The following POLM variants were observed in gnomAD, a reference collection of about 807,000 sequenced individuals.
POLM encodes DNA-directed DNA/RNA polymerase mu.
A neutral mutation model predicts 56.7 loss-of-function variants in POLM; 52 were observed. That is an observed-to-expected ratio of 0.92 (90% CI 0.73 to 1.15). POLM has a LOEUF of 1.15. Ranked by LOEUF, POLM falls within the 50% of genes most tolerant of loss-of-function variation. POLM has a pLI of 0.00. For missense variants in POLM, 660 were observed against 663.6 expected (o/e 0.99, Z 0.06); for synonymous variants, 273 against 274.3 (o/e 1.00, Z 0.05).
In POLM at chr7:44,072,196, G is replaced by A. The variant is rs2096170470; in HGVS notation, c.*1095C>T. ...AGGACAGCATGGGAAGTGTTCTGGG[G>A]ATGGACCTGGTGTGCCCTACGTGTG... On this transcript the variant is annotated 3_prime_UTR_variant, in exon 11 of 11. Transcript: ENST00000242248. 6.6e-6 allele frequency: 1 copy of A among 152,260 alleles called. No homozygotes were observed. Among genetic ancestry groups the A allele is most frequent in the Non-Finnish European group, 1.5e-5 (1 of 68,074 alleles). 9.4% of individuals were successfully genotyped at this position (152,260 alleles called of 1,614,324 possible). A position where few individuals can be genotyped will look rare whatever the true frequency, so the allele number is the denominator to read the frequency against.
At chr7:44,079,536 C>G (rs780139966) in intron 4 of POLM, 35 bp downstream of exon 4, 2 of 1,432,122 alleles carry the variant, frequency 1.4e-6, no homozygotes, top group South Asian at 2.3e-5. Flanking sequence ...CCTCCCCACC[C>G]ACCCACTCAC....
Position 44,077,808 on chromosome 7 carries a change from AC to A in POLM, c.714+931del, listed in dbSNP as rs528655411. ...GTCAATCCTGACAACATTCTGTGTG[AC>A]CTCCCAAGGCCCCATCCACCCAGGA... On this transcript the variant is annotated intron_variant, in intron 5 of 10. Transcript: ENST00000242248. Among the ~76,000 whole-genome samples the A allele has an allele frequency of 2.0e-5, 3 of 151,910 alleles. No homozygotes were observed. In the East Asian group the frequency reaches 5.8e-4, roughly 29 times the overall value.
chr7:44,073,007 C>T lies in POLM; in HGVS notation c.*284G>A. On this transcript the variant is annotated 3_prime_UTR_variant, in exon 11 of 11. Transcript: ENST00000242248. The stretch of plus-strand genomic sequence containing the variant: ...AGCTCCACGATGTGGGCCCCACTCA[C>T]ATCCCATCCAGGGCAGGAACGTGAG... The T allele has an allele frequency of 8.8e-7, 1 of 1,137,790 alleles. No homozygotes were observed. The highest frequency in any genetic ancestry group is 1.2e-6 in the Non-Finnish European group (1 of 835,218). 70.5% of individuals were successfully genotyped at this position (1,137,790 alleles called of 1,614,324 possible).
chr7:44,076,475 G>C, intron 6 of POLM, 34 bp downstream of exon 6: 2 of 1,613,162 alleles, frequency 1.2e-6, no homozygotes, highest in South Asian at 2.2e-5. Flanking sequence ...GCAGTTTAGG[G>C]AAGCCCAGGG....
At position 44,082,428 on chromosome 7, in the gene POLM, T is replaced by C; in HGVS notation, c.11A>G (p.Lys4Arg). 2 of 1,435,930 alleles carry C rather than the reference T, an allele frequency of 1.4e-6. No homozygotes were observed. The highest frequency in any genetic ancestry group is 1.4e-5 in the South Asian group (1 of 72,460). The allele number at this position is 1,435,930 out of a possible 1,614,324, so 88.9% of individuals were successfully genotyped here. The change falls in exon 1 of 11, where the codon AAA becomes AGA. Residue 4 changes from lysine (K) to arginine (R), a missense_variant. Transcript: ENST00000242248. MLPKRRRARVGSPS... is the reference protein window; with the variant it reads MLPRRRRARVGSPS... The stretch of plus-strand genomic sequence containing the variant: ...GGACCCGACCCGCGCTCGCCGCCGT[T>C]TGGGGAGCATTGGGACGACAGCCTC...
Position 44,082,347 on chromosome 7 carries a change from G to T in POLM, c.92C>A (p.Ala31Asp). Residue 31 changes from alanine (A) to aspartate (D), a missense_variant, in exon 1 of 11, where the codon GCC becomes GAC. Transcript: ENST00000242248. Reference sequence around the variant, plus strand: ...CATGCGAGGCTCGACCAGGTAGATGGCGACTCCCGGGAAGCGCGTCGAGGG... The same window carrying T: ...CATGCGAGGCTCGACCAGGTAGATGTCGACTCCCGGGAAGCGCGTCGAGGG... ...TPPSTRFPGV[A>D]IYLVEPRMGR... 1 of 1,559,566 alleles carries T rather than the reference G, an allele frequency of 6.4e-7. No individual in the cohort carries two copies.
chr7:44,081,567 T>A (rs1348033935), intron 1 of POLM, among the ~76,000 whole-genome samples: 1 of 152,272 alleles, frequency 6.6e-6, no homozygotes, highest in East Asian at 1.9e-4. Flanking sequence ...ACTCTGGGTG[T>A]TGTCTCTGTA....
At chr7:44,081,610 T>A (rs560490532) in intron 1 of POLM, among the ~76,000 whole-genome samples, 1 of 152,294 alleles carries the variant, frequency 6.6e-6, no homozygotes, top group South Asian at 2.1e-4. Context: ...GTTCCCTTCC[T>A]ACAAGAGCTT....
In POLM at chr7:44,080,886, C is replaced by T. The variant is rs1475657713; in HGVS notation, c.219G>A (p.Glu73=). ...AGCTGACGGCCTCCTCTGCTGAGGT[C>T]TCTTCCATCACAACATGTGTCGCTT... is the stretch of plus-strand genomic sequence containing the variant. ...SSEATHVVME[E]TSAEEAVSWQ... Residue 73 remains glutamate (E), a synonymous_variant, in exon 2 of 11, where the codon GAG becomes GAA. Coordinates refer to ENST00000242248, the MANE Select transcript of POLM (RefSeq NM_013284.4). 8 of 1,590,832 alleles carry T rather than the reference C, an allele frequency of 5.0e-6. No individual in the cohort carries two copies. The highest frequency in any genetic ancestry group is 6.0e-6 in the Non-Finnish European group (7 of 1,169,718).
chr7:44,081,386 CAA>C (rs1371185418), intron 1 of POLM, among the ~76,000 whole-genome samples: 3 of 152,218 alleles, frequency 2.0e-5, no homozygotes, highest in African/African-American at 7.2e-5. Context: ...GGTTGTTGTA[CAA>C]AGATAGTGCC....
In POLM at chr7:44,082,276, C is replaced by G. The variant is rs753592792; in HGVS notation, c.163G>C (p.Gly55Arg). 4.6e-6 allele frequency: 7 copies of G among 1,527,176 alleles called. No homozygotes were observed. In the Admixed American group the frequency reaches 1.5e-4, roughly 32 times the overall value. The allele number at this position is 1,527,176 out of a possible 1,614,324, so 94.6% of individuals were successfully genotyped here. ...AFLTGLARSK[G>R]FRVLDACSSE... The stretch of plus-strand genomic sequence containing the variant: ...CTGCAGGCGTCAAGGACGCGGAAGC[C>G]TTTGGAGCGCGCCAGGCCTGTGAGG... The change falls in exon 1 of 11, where the codon GGC becomes CGC. Residue 55 changes from glycine (G) to arginine (R), a missense_variant. Physicochemically the swap from Gly to Arg is moderately radical, Grantham distance 125 (BLOSUM62 -2). Transcript: ENST00000242248.
Position 44,082,509 on chromosome 7 carries a change from A to T in POLM, c.-71T>A. The T allele has an allele frequency of 1.2e-5, 1 of 80,454 alleles. No individual in the cohort carries two copies. The highest frequency in any genetic ancestry group is 1.9e-5 in the Non-Finnish European group (1 of 53,986). The allele number at this position is 80,454 out of a possible 1,614,324, so 5.0% of individuals were successfully genotyped here. On this transcript the variant is annotated 5_prime_UTR_variant, in exon 1 of 11. Transcript: ENST00000242248. ...TCCGAGCGAGACGGAAGGAAGCCCC[A>T]GTGAGGCTGACGGAAGCGGGTGGGC...
intron 2 of POLM, chr7:44,080,523 C>T: frequency 1.4e-6 from 1 of 700,398 alleles, no homozygotes; most frequent in South Asian, 1.5e-5. Context: ...GTGGTGAGAA[C>T]AGAAGCTGAG....
At position 44,076,578 on chromosome 7, in the gene POLM, G is replaced by A. The variant is rs778427316; in HGVS notation, c.766C>T (p.Arg256Trp). The A allele has an allele frequency of 4.3e-6, 7 of 1,613,956 alleles. No homozygotes were observed. Among genetic ancestry groups the A allele is most frequent in the East Asian group, 2.2e-5 (1 of 44,880 alleles). ...VGVKTADRWY[R>W]EGLRTLDDLR... ...TCATCTAAGGTTCGCAGTCCTTCCC[G>A]GTACCACCGGTCAGCAGTCTTCACA... Residue 256 changes from arginine to tryptophan, a missense_variant, in exon 6 of 11, where the codon CGG (arginine) becomes TGG (tryptophan). Transcript: ENST00000242248.
intron 5 of POLM, chr7:44,077,026 TGAG>T (rs2096185515): frequency 6.1e-6 from 1 of 162,624 alleles, no homozygotes; most frequent in African/African-American, 2.4e-5. Context: ...CAAAAAACAA[TGAG>T]GAGTTAACAA....
Position 44,082,294 on chromosome 7 carries a change from C to T in POLM, c.145G>A (p.Gly49Ser), listed in dbSNP as rs2096202428. 1 of 1,551,416 alleles carries T rather than the reference C, an allele frequency of 6.4e-7. No individual in the cohort carries two copies. The highest frequency in any genetic ancestry group is 1.9e-5 in the Admixed American group (1 of 51,912). Reference protein sequence around the residue: ...MGRSRRAFLTGLARSKGFRVL... With the variant: ...MGRSRRAFLTSLARSKGFRVL... ...CGGAAGCCTTTGGAGCGCGCCAGGC[C>T]TGTGAGGAAGGCCCGGCGGCTGCGA... Residue 49 changes from glycine to serine, a missense_variant, in exon 1 of 11, where the codon GGC becomes AGC. Transcript: ENST00000242248.
Position 44,073,136 on chromosome 7 carries a change from G to A in POLM, c.*155C>T. The A allele has an allele frequency of 6.6e-7, 1 of 1,511,056 alleles. No individual in the cohort carries two copies. The highest frequency in any genetic ancestry group is 8.9e-7 in the Non-Finnish European group (1 of 1,129,098). 93.6% of individuals were successfully genotyped at this position (1,511,056 alleles called of 1,614,324 possible). On this transcript the variant is annotated 3_prime_UTR_variant, in exon 11 of 11. Coordinates refer to ENST00000242248, the MANE Select transcript of POLM (RefSeq NM_013284.4). ...GCAGCACACCAGCAGGGGCTCAACTGATCCTGCAGGCACAATTGACCTCCG... is the reference window on the plus strand; with the variant it reads ...GCAGCACACCAGCAGGGGCTCAACTAATCCTGCAGGCACAATTGACCTCCG...
At chr7:44,080,973 T>G in intron 1 of POLM, 57 bp from the exon 2 acceptor site, 1 of 1,454,012 alleles carries the variant, frequency 6.9e-7, no homozygotes. Flanking sequence ...CCGTCCTGGT[T>G]GGCTCCAAGC....
chr7:44,074,883 GA>G (rs2096179589), intron 6 of POLM, among the ~76,000 whole-genome samples: 1 of 152,220 alleles, frequency 6.6e-6, no homozygotes, highest in East Asian at 1.9e-4. Flanking sequence ...TACTGATGTT[GA>G]TACAGTCATG....
Sources: gnomAD v4.1 joint callset for allele counts (sites outside exome capture counted in the v4.1 genomes callset) on GRCh38, gnomAD v4.1.1 for gene constraint, MANE v1.5 for transcripts, NCBI Gene and HGNC (gene_info 2026-07-23, HGNC 2026-07-21) for gene names.